Variants in TTLL11 observed in about 807,000 individuals in gnomAD.
The protein encoded by TTLL11 is tubulin tyrosine ligase like 11, also known as tubulin polyglutamylase TTLL11.
TTLL11 carries 42 observed loss-of-function variants against 51.7 expected under a neutral mutation model. The ratio of observed to expected loss-of-function variants is 0.81; its 90% CI spans 0.64 to 1.05. The LOEUF is 1.05. Among genes scored for constraint, TTLL11 ranks in the 50% least tolerant of loss-of-function variants. TTLL11 has a pLI of 0.00. For missense variants in TTLL11, 799 were observed against 940.4 expected, an observed-to-expected ratio of 0.85 and a Z score of 1.97; for synonymous variants, 381 against 383.5, an observed-to-expected ratio of 0.99 and a Z score of 0.08.
chr9:121,952,864 C>T (rs112278357), intron 6 of TTLL11, among the ~76,000 whole-genome samples: 1 of 152,126 alleles, frequency 6.6e-6, no homozygotes, highest in Non-Finnish European at 1.5e-5. Flanking sequence ...ACAGACCTGA[C>T]GCATTCCCCA....
At chr9:122,042,977 G>A (rs898548632) in intron 1 of TTLL11, among the ~76,000 whole-genome samples, 1 of 152,196 alleles carries the variant, frequency 6.6e-6, no homozygotes, top group East Asian at 1.9e-4. Context: ...GGATTTTAGA[G>A]CAGTGAAAAT....
chr9:121,945,804 T>C (rs1841640580), intron 6 of TTLL11, among the ~76,000 whole-genome samples: 1 of 152,130 alleles, frequency 6.6e-6, no homozygotes, highest in East Asian at 1.9e-4. Flanking sequence ...AATCCTGCCA[T>C]GGGAACTGAA....
At chr9:122,014,395 T>G (rs1418488397) in intron 3 of TTLL11, among the ~76,000 whole-genome samples, 3 of 152,126 alleles carry the variant, frequency 2.0e-5, no homozygotes, top group African/African-American at 7.2e-5. Flanking sequence ...ATAAAAAGAC[T>G]TGAACCTCTG....
chr9:122,026,295 G>T (rs1844335159), intron 3 of TTLL11, among the ~76,000 whole-genome samples: 1 of 151,922 alleles, frequency 6.6e-6, no homozygotes, highest in East Asian at 1.9e-4. Flanking sequence ...AAAATTAGCT[G>T]GACATGGTGG....
chr9:122,045,966 G>A (rs1283486168), intron 1 of TTLL11, among the ~76,000 whole-genome samples: 2 of 152,214 alleles, frequency 1.3e-5, no homozygotes, highest in Non-Finnish European at 2.9e-5. Context: ...TTCTGGAGAT[G>A]CATGACAGTG....
chr9:121,852,164 G>A (rs1837681567), intron 8 of TTLL11, among the ~76,000 whole-genome samples: 1 of 152,194 alleles, frequency 6.6e-6, no homozygotes, highest in South Asian at 2.1e-4. Context: ...TGTGTGCACT[G>A]TGTGGACAAG....
intron 3 of TTLL11, among the ~76,000 whole-genome samples, chr9:122,013,885 T>C (rs913788390): frequency 2.8e-4 from 43 of 152,172 alleles, no homozygotes; most frequent in African/African-American, 1.0e-3. Flanking sequence ...TTAACTCCAA[T>C]GAAGAGTTTT....
At chr9:121,959,439 GTTC>G (rs988188698) in intron 6 of TTLL11, among the ~76,000 whole-genome samples, 64 of 152,274 alleles carry the variant, frequency 4.2e-4, no homozygotes, top group African/African-American at 1.5e-3. Context: ...TCACAAAGCT[GTTC>G]TTCTCCCAGC....
At chr9:122,008,478 C>T (rs557074326) in intron 3 of TTLL11, among the ~76,000 whole-genome samples, 3 of 152,252 alleles carry the variant, frequency 2.0e-5, no homozygotes, top group African/African-American at 7.2e-5. Context: ...TGAAAAAATG[C>T]TCAGAATCAC....
intron 1 of TTLL11, among the ~76,000 whole-genome samples, chr9:122,068,746 C>T (rs766932088): frequency 1.3e-5 from 2 of 152,210 alleles, no homozygotes; most frequent in Non-Finnish European, 2.9e-5. Flanking sequence ...TCCATTTCCT[C>T]TTATTCCTGG....
intron 8 of TTLL11, among the ~76,000 whole-genome samples, chr9:121,833,773 AAT>A (rs1209570822): frequency 6.6e-6 from 1 of 152,226 alleles, no homozygotes; most frequent in Non-Finnish European, 1.5e-5. Context: ...AGCACATTTG[AAT>A]ATATGATATA....
chr9:121,940,855 G>A (rs9409244), intron 6 of TTLL11, among the ~76,000 whole-genome samples: 138,781 of 152,288 alleles, frequency 0.91, 63,703 homozygotes, highest in Non-Finnish European at 0.97. Context: ...AACTTCTTAA[G>A]GCATGCTTCA....
At chr9:121,824,432 C>G (rs1374884798) in intron 8 of TTLL11, among the ~76,000 whole-genome samples, 1 of 145,624 alleles carries the variant, frequency 6.9e-6, no homozygotes, top group East Asian at 2.0e-4. Flanking sequence ...GCCAAGATCA[C>G]GCCACTGCAC....
intron 6 of TTLL11, among the ~76,000 whole-genome samples, chr9:121,884,362 C>CA (rs1450436974): frequency 6.7e-6 from 1 of 148,640 alleles, no homozygotes; most frequent in Non-Finnish European, 1.5e-5. Context: ...AGAAAGAAAA[C>CA]AAAAGCGACT....
At chr9:121,824,978 T>C (rs1836704617) in intron 8 of TTLL11, among the ~76,000 whole-genome samples, 1 of 152,200 alleles carries the variant, frequency 6.6e-6, no homozygotes, top group Non-Finnish European at 1.5e-5. Flanking sequence ...GCTCTTGGCC[T>C]TGGGTTCTTT....
chr9:122,079,553 C>CA (rs1000914928), intron 1 of TTLL11, among the ~76,000 whole-genome samples: 2 of 151,582 alleles, frequency 1.3e-5, no homozygotes, highest in Non-Finnish European at 2.9e-5. Flanking sequence ...ACTAAAAATA[C>CA]AAAAAATTAG....
At chr9:122,020,825 G>A (rs1462223444) in intron 3 of TTLL11, among the ~76,000 whole-genome samples, 1 of 152,180 alleles carries the variant, frequency 6.6e-6, no homozygotes, top group Non-Finnish European at 1.5e-5. Flanking sequence ...CAGGAAGAGG[G>A]CCCTCACCAG....
chr9:122,048,273 C>A (rs768506475), intron 1 of TTLL11, among the ~76,000 whole-genome samples: 4 of 152,124 alleles, frequency 2.6e-5, no homozygotes, highest in Non-Finnish European at 4.4e-5. Context: ...CTCAAGTGAT[C>A]CTCCCGCATC....
At chr9:121,912,153 C>A (rs1486974901) in intron 6 of TTLL11, among the ~76,000 whole-genome samples, 2 of 152,148 alleles carry the variant, frequency 1.3e-5, no homozygotes, top group Non-Finnish European at 2.9e-5. Flanking sequence ...GGCCTATGAC[C>A]CAGGGGCCTG....
Sources: gnomAD v4.1 joint callset for allele counts (sites outside exome capture counted in the v4.1 genomes callset) on GRCh38, gnomAD v4.1.1 for gene constraint, MANE v1.5 for transcripts, NCBI Gene and HGNC (gene_info 2026-07-23, HGNC 2026-07-21) for gene names.